The following XRN1 variants were observed in gnomAD, a reference collection of about 807,000 sequenced individuals.
The protein encoded by XRN1 is strand-exchange protein 1 homolog.
A neutral mutation model predicts 222.3 loss-of-function variants in XRN1; 67 were observed. The observed-to-expected ratio is 0.30, with a 90% CI of 0.25 to 0.37. The LOEUF (loss-of-function observed/expected upper bound fraction) is 0.37. XRN1 is among the 10% of genes least tolerant of loss of function. The pLI is 1.00. For synonymous variants in XRN1, 643 were observed against 652.4 expected (o/e 0.99, Z 0.22); for missense variants, 1,707 against 2,000.2 (o/e 0.85, Z 2.80).
At chr3:142,354,443 A>C (rs778478401) in intron 32 of XRN1, among the ~76,000 whole-genome samples, 72 of 152,230 alleles carry the variant, frequency 4.7e-4, no homozygotes, top group Non-Finnish European at 7.9e-4. Flanking sequence ...CCCAGGGAAA[A>C]TAAACCGTTC....
intron 37 of XRN1, among the ~76,000 whole-genome samples, chr3:142,323,289 T>A (rs2065413013): frequency 6.6e-6 from 1 of 151,262 alleles, no homozygotes; most frequent in Non-Finnish European, 1.5e-5. Context: ...TAAGGTTTTT[T>A]TTTTGTTTTT....
intron 37 of XRN1, among the ~76,000 whole-genome samples, chr3:142,325,353 T>C (rs961440473): frequency 6.6e-5 from 10 of 152,194 alleles, no homozygotes; most frequent in African/African-American, 2.2e-4. Flanking sequence ...TGTTGGCCAT[T>C]TGTATGTTTT....
At position 142,383,431 on chromosome 3, in the gene XRN1, A is replaced by T; in HGVS notation, c.2503-18T>A. 6.3e-7 allele frequency: 1 copy of T among 1,585,594 alleles called. No homozygotes were observed. The highest frequency in any genetic ancestry group is 8.6e-7 in the Non-Finnish European group (1 of 1,158,512). On this transcript the variant is annotated intron_variant, in intron 21 of 40. Transcript: ENST00000392981. The stretch of plus-strand genomic sequence containing the variant: ...CGGATGTCCTACATAAAATAAAAGT[A>T]AATAATCTTAGTCATAATTTCTATA...
intron 19 of XRN1, among the ~76,000 whole-genome samples, chr3:142,398,973 CT>C: frequency 6.6e-6 from 1 of 151,690 alleles, no homozygotes; most frequent in South Asian, 2.1e-4. Flanking sequence ...AAATTACATA[CT>C]CAGGTATAAG....
At chr3:142,355,517 T>C (rs1234198408) in intron 31 of XRN1, 21 bp from the exon 32 acceptor site, 1 of 1,435,076 alleles carries the variant, frequency 7.0e-7, no homozygotes, top group Non-Finnish European at 9.6e-7. Flanking sequence ...ACAAACAATT[T>C]CTTGAGAAAA....
chr3:142,435,321 C>T (rs559097063), intron 1 of XRN1: 1 of 151,900 alleles, frequency 6.6e-6, no homozygotes. Flanking sequence ...TGGCGTGAAC[C>T]CAGGAGGCGG....
intron 5 of XRN1, 57 bp downstream of exon 5, chr3:142,425,165 T>C (rs569395514): frequency 2.5e-6 from 3 of 1,208,588 alleles, no homozygotes; most frequent in Non-Finnish European, 3.3e-6. Flanking sequence ...CAAAATGAAA[T>C]CTCTTAGATA....
chr3:142,443,818 T>C (rs1327505401), intron 1 of XRN1, among the ~76,000 whole-genome samples: 1 of 152,250 alleles, frequency 6.6e-6, no homozygotes, highest in Non-Finnish European at 1.5e-5. Flanking sequence ...AGCCAAGATT[T>C]GGAAGCAACC....
chr3:142,363,838 G>C (rs1429506004), intron 29 of XRN1, among the ~76,000 whole-genome samples: 4 of 152,130 alleles, frequency 2.6e-5, no homozygotes, highest in African/African-American at 4.8e-5. Context: ...AGGCTGCTGG[G>C]ATCTTGATTG....
intron 29 of XRN1, among the ~76,000 whole-genome samples, chr3:142,363,911 C>T (rs193050319): frequency 1.3e-4 from 20 of 152,190 alleles, no homozygotes; most frequent in Non-Finnish European, 2.4e-4. Flanking sequence ...AATAGTGAGT[C>T]TTCCAAAAAA....
chr3:142,354,826 C>T lies in XRN1; in HGVS notation c.3768+575G>A, dbSNP rs575020738. ...GATTACAGGTGTGAGCCACAGTGCC[C>T]GGCCAGATTTTTAAAAATGTGGTAT... On this transcript the variant is annotated intron_variant, in intron 32 of 40. Transcript: ENST00000392981. 7.2e-5 allele frequency among the ~76,000 whole-genome samples: 11 copies of T among 152,070 alleles called. No homozygotes were observed. The South Asian group carries it at 8.3e-4, about 11-fold the overall frequency.
chr3:142,345,378 A>C (rs527814232), intron 33 of XRN1, among the ~76,000 whole-genome samples: 1 of 152,332 alleles, frequency 6.6e-6, no homozygotes, highest in East Asian at 1.9e-4. Context: ...CCTACATCAT[A>C]CCATGTATAA....
At chr3:142,338,231 G>C (rs540191173) in intron 33 of XRN1, among the ~76,000 whole-genome samples, 1 of 152,160 alleles carries the variant, frequency 6.6e-6, no homozygotes, top group African/African-American at 2.4e-5. Flanking sequence ...TCCACTTGAC[G>C]AAAGAAAAGG....
At position 142,406,321 on chromosome 3, in the gene XRN1, A is replaced by G. The variant is rs796172377; in HGVS notation, c.1714-1245T>C. Among the ~76,000 whole-genome samples the G allele has an allele frequency of 3.9e-5, 6 of 152,180 alleles. No individual in the cohort carries two copies. The South Asian group carries it at 1.2e-3, about 31-fold the overall frequency. On this transcript the variant is annotated intron_variant, in intron 15 of 40. Coordinates refer to ENST00000392981, the MANE Select transcript of XRN1 (RefSeq NM_001282857.2). The stretch of plus-strand genomic sequence containing the variant: ...TCCATATGCAGAAGAATAAAACTGG[A>G]CTTTTATCTTACCATAAACAAAATC...
chr3:142,391,999 C>A (rs2067742840), intron 20 of XRN1, among the ~76,000 whole-genome samples: 1 of 151,696 alleles, frequency 6.6e-6, no homozygotes, highest in Non-Finnish European at 1.5e-5. Context: ...ACTTCCTTGC[C>A]CCCTTTTCCA....
rs553302859 is a variant in XRN1, at chr3:142,333,436, G to A, written c.3940-347C>T. On this transcript the variant is annotated intron_variant, in intron 34 of 40. Coordinates refer to ENST00000392981, the MANE Select transcript of XRN1 (RefSeq NM_001282857.2). ...GTAATAGTGTTCTAAATAAATTGTT[G>A]CAAAAAAATTTTATGTGCTATTTTC... is the stretch of plus-strand genomic sequence containing the variant. 1.1e-4 allele frequency among the ~76,000 whole-genome samples: 17 copies of A among 151,886 alleles called. No homozygotes were observed. In the Admixed American group the frequency reaches 1.1e-3, roughly 10 times the overall value.
chr3:142,312,955 T>G (rs112041196), intron 39 of XRN1, among the ~76,000 whole-genome samples, 197 bp from the exon 40 acceptor site: 1 of 152,114 alleles, frequency 6.6e-6, no homozygotes, highest in African/African-American at 2.4e-5. Flanking sequence ...GTGGACTATC[T>G]ACACAAATGA....
chr3:142,426,774 C>G lies in XRN1; in HGVS notation c.376G>C (p.Ala126Pro), dbSNP rs758000985. 11 of 1,613,748 alleles carry G rather than the reference C, an allele frequency of 6.8e-6. No homozygotes were observed. Among genetic ancestry groups the G allele is most frequent in the Non-Finnish European group, 9.3e-6 (11 of 1,179,914 alleles). The change falls in exon 3 of 41, where the codon GCC (alanine) becomes CCC (proline). Residue 126 changes from alanine to proline, a missense_variant. By Grantham distance (27) the Ala-to-Pro change is conservative. This residue lies in a region of XRN1 where 1,234 missense variants were observed against 1,518.2 expected (regional missense o/e 0.81). Transcript: ENST00000392981. ...IEKGETLPTE[A>P]RFDSNCITPG... ...GTGATACAGTTGGAATCAAATCTGG[C>G]CTCTGTAGGAAGAGTTTCTCCCTTC...
In XRN1 at chr3:142,400,432, A is replaced by T. The variant is rs779708132; in HGVS notation, c.2207+12T>A. The T allele has an allele frequency of 1.3e-6, 2 of 1,578,724 alleles. No homozygotes were observed. Among genetic ancestry groups the T allele is most frequent in the South Asian group, 1.2e-5 (1 of 84,878 alleles). ...TATATGTTAGAAAAATTATAAATCAAATCTTACTTACTTAGTTTCTCCATC... is the reference window on the plus strand; with the variant it reads ...TATATGTTAGAAAAATTATAAATCATATCTTACTTACTTAGTTTCTCCATC... On this transcript the variant is annotated intron_variant, in intron 19 of 40. Coordinates refer to ENST00000392981, the MANE Select transcript of XRN1 (RefSeq NM_001282857.2).
Sources: gnomAD v4.1 joint callset for allele counts (sites outside exome capture counted in the v4.1 genomes callset) on GRCh38, gnomAD v4.1.1 for gene constraint, gnomAD v4.1.1 regional missense constraint, MANE v1.5 for transcripts, NCBI Gene and HGNC (gene_info 2026-07-23, HGNC 2026-07-21) for gene names.